The following NSMCE2 variants were observed in gnomAD, a reference collection of about 807,000 sequenced individuals.
NSMCE2 encodes NSE2 SUMO ligase component of SMC5/6 complex.
NSMCE2 carries 24 observed loss-of-function variants against 23.8 expected under a neutral mutation model. That is an observed-to-expected ratio of 1.01 (90% confidence interval 0.73 to 1.42). The LOEUF (loss-of-function observed/expected upper bound fraction) is 1.42, where lower values mean the gene tolerates loss of function less well. Among genes scored for constraint, NSMCE2 ranks in the 40% most tolerant of loss-of-function variants. The pLI is 0.00. For missense variants in NSMCE2, 284 were observed against 296.5 expected (o/e 0.96, Z 0.31); for synonymous variants, 92 against 94.1 (o/e 0.98, Z 0.13).
intron 5 of NSMCE2, among the ~76,000 whole-genome samples, chr8:125,308,920 G>A (rs1042753582): frequency 1.3e-5 from 2 of 152,174 alleles, no homozygotes; most frequent in East Asian, 1.9e-4. Flanking sequence ...GCTTGATAAC[G>A]TGGGGCCAGC....
At chr8:125,295,062 G>A (rs559479203) in intron 5 of NSMCE2, among the ~76,000 whole-genome samples, 1 of 152,308 alleles carries the variant, frequency 6.6e-6, no homozygotes, top group Non-Finnish European at 1.5e-5. Context: ...GGACTTTCTT[G>A]AATGTCGTGT....
Position 125,315,481 on chromosome 8 carries a change from C to G in NSMCE2, c.419-41738C>G, listed in dbSNP as rs140152680. Among the ~76,000 whole-genome samples, 772 of 152,272 alleles carry G rather than the reference C, an allele frequency of 5.1e-3. 5 individuals carry two copies. Among genetic ancestry groups the G allele is most frequent in the African/African-American group, 0.018 (741 of 41,542 alleles). On this transcript the variant is annotated intron_variant, in intron 5 of 7. Coordinates refer to ENST00000287437, the MANE Select transcript of NSMCE2 (RefSeq NM_173685.4). Reference sequence around the variant, plus strand: ...TCTTGCGTGTCAAAACCTCAGTTTTCTCATTTATGAAATGGGAATAATAGG... The same window carrying G: ...TCTTGCGTGTCAAAACCTCAGTTTTGTCATTTATGAAATGGGAATAATAGG...
At chr8:125,261,108 A>G (rs1401814077) in intron 5 of NSMCE2, among the ~76,000 whole-genome samples, 1 of 152,252 alleles carries the variant, frequency 6.6e-6, no homozygotes, top group Non-Finnish European at 1.5e-5. Flanking sequence ...TTTGCGAATC[A>G]ACCAAAGTAC....
At chr8:125,292,899 G>A (rs1478364456) in intron 5 of NSMCE2, among the ~76,000 whole-genome samples, 1 of 152,170 alleles carries the variant, frequency 6.6e-6, no homozygotes, top group Non-Finnish European at 1.5e-5. Context: ...CAACATGAAC[G>A]AGTTTCAAAT....
At chr8:125,261,747 A>G (rs1180747673) in intron 5 of NSMCE2, among the ~76,000 whole-genome samples, 2 of 148,968 alleles carry the variant, frequency 1.3e-5, no homozygotes, top group Non-Finnish European at 3.0e-5. Context: ...TAAAGAAGTA[A>G]AAAAAAAAAA....
Position 125,153,056 on chromosome 8 carries a change from C to CAAAAA in NSMCE2, c.264+1800_264+1804dup, listed in dbSNP as rs768246218. Among the ~76,000 whole-genome samples the CAAAAA allele has an allele frequency of 1.9e-3, 90 of 47,416 alleles. 3 individuals are homozygous for CAAAAA. The highest frequency in any genetic ancestry group is 4.0e-3 in the African/African-American group (68 of 17,006). The allele number at this position is 47,416 out of a possible 152,430, so 31.1% of individuals were successfully genotyped here. A position where few individuals can be genotyped will look rare whatever the true frequency, so the allele number is the denominator to read the frequency against. On this transcript the variant is annotated intron_variant, in intron 4 of 7. Coordinates refer to ENST00000287437, the MANE Select transcript of NSMCE2 (RefSeq NM_173685.4). ...TGGGCGACAGAGCGAGACTCCGTCT[C>CAAAAA]AAAAAAAAAAAAAAAAAAAAAAAAA... is the stretch of plus-strand genomic sequence containing the variant.
chr8:125,275,970 G>C (rs1827433642), intron 5 of NSMCE2, among the ~76,000 whole-genome samples: 1 of 152,156 alleles, frequency 6.6e-6, no homozygotes, highest in African/African-American at 2.4e-5. Flanking sequence ...AGTAGTCACT[G>C]GCACCCTATA....
intron 5 of NSMCE2, among the ~76,000 whole-genome samples, chr8:125,261,288 C>G (rs1188798371): frequency 6.6e-6 from 1 of 152,184 alleles, no homozygotes; most frequent in African/African-American, 2.4e-5. Context: ...GAACAGTGAT[C>G]AAATTTGCAA....
At chr8:125,327,606 G>C (rs1260068813) in intron 5 of NSMCE2, among the ~76,000 whole-genome samples, 1 of 152,058 alleles carries the variant, frequency 6.6e-6, no homozygotes, top group Non-Finnish European at 1.5e-5. Flanking sequence ...AAGAGAGAGG[G>C]TAGGTACAGA....
At chr8:125,148,828 T>C (rs1320766609) in intron 3 of NSMCE2, among the ~76,000 whole-genome samples, 1 of 152,226 alleles carries the variant, frequency 6.6e-6, no homozygotes, top group Non-Finnish European at 1.5e-5. Flanking sequence ...ACAGGTTAAC[T>C]AAAACCCCTA....
chr8:125,350,224 C>T (rs2131348951), intron 5 of NSMCE2, among the ~76,000 whole-genome samples: 1 of 152,226 alleles, frequency 6.6e-6, no homozygotes, highest in East Asian at 1.9e-4. Flanking sequence ...GTGTGGAGAA[C>T]AAGAGTGATG....
chr8:125,209,095 C>T lies in NSMCE2; in HGVS notation c.418+26839C>T, dbSNP rs1278002461. 3.3e-5 allele frequency among the ~76,000 whole-genome samples: 5 copies of T among 152,180 alleles called. No homozygotes were observed. The East Asian group carries it at 9.6e-4, about 29-fold the overall frequency. On this transcript the variant is annotated intron_variant, in intron 5 of 7. Transcript: ENST00000287437. ...CTGAGTGGCTGGGACTACAGCCATG[C>T]ACCACTGTGACCAATTTGATTTTCT...
chr8:125,232,075 G>T (rs1264338792), intron 5 of NSMCE2, among the ~76,000 whole-genome samples: 3 of 152,172 alleles, frequency 2.0e-5, no homozygotes, highest in African/African-American at 7.2e-5. Flanking sequence ...ACATGAAAGT[G>T]CTGATGCCGG....
At chr8:125,127,561 T>C (rs1364009238) in intron 3 of NSMCE2, among the ~76,000 whole-genome samples, 1 of 152,194 alleles carries the variant, frequency 6.6e-6, no homozygotes, top group Non-Finnish European at 1.5e-5. Context: ...ACATGGAAGA[T>C]GCAGTTTTTG....
chr8:125,282,323 AG>A (rs774470951), intron 5 of NSMCE2, among the ~76,000 whole-genome samples: 1 of 152,156 alleles, frequency 6.6e-6, no homozygotes, highest in African/African-American at 2.4e-5. Context: ...CATGTTGGCC[AG>A]GCTCGTCTCG....
intron 5 of NSMCE2, among the ~76,000 whole-genome samples, chr8:125,243,259 G>T (rs1224963290): frequency 2.0e-5 from 3 of 152,160 alleles, no homozygotes; most frequent in African/African-American, 4.8e-5. Context: ...GTCAGCTTTA[G>T]GGCATCAGGA....
intron 5 of NSMCE2, among the ~76,000 whole-genome samples, chr8:125,277,009 G>T (rs118029319): frequency 2.0e-5 from 3 of 152,168 alleles, no homozygotes; most frequent in Non-Finnish European, 2.9e-5. Context: ...TTCTGATGGC[G>T]CATGAGATCT....
rs185953549 is a variant in NSMCE2, at chr8:125,235,268, A to C, written c.418+53012A>C. On this transcript the variant is annotated intron_variant, in intron 5 of 7. Coordinates refer to ENST00000287437, the MANE Select transcript of NSMCE2 (RefSeq NM_173685.4). Reference sequence around the variant, plus strand: ...TTAAAAAAAAAAAAAAGGAAACCTAAAAGCTTTTCCCAAGAGTTTATATAT... The same window carrying C: ...TTAAAAAAAAAAAAAAGGAAACCTACAAGCTTTTCCCAAGAGTTTATATAT... 4.0e-3 allele frequency among the ~76,000 whole-genome samples: 606 copies of C among 152,132 alleles called. 5 individuals carry two copies. Among genetic ancestry groups the C allele is most frequent in the African/African-American group, 0.013 (531 of 41,484 alleles).
chr8:125,098,262 A>G (rs912273757), intron 1 of NSMCE2, among the ~76,000 whole-genome samples: 1 of 152,190 alleles, frequency 6.6e-6, no homozygotes, highest in African/African-American at 2.4e-5. Context: ...TTAGAATTAC[A>G]TAGAGGACTT....
Sources: gnomAD v4.1 joint callset for allele counts (sites outside exome capture counted in the v4.1 genomes callset) on GRCh38, gnomAD v4.1.1 for gene constraint, MANE v1.5 for transcripts, NCBI Gene and HGNC (gene_info 2026-07-23, HGNC 2026-07-21) for gene names.